The following PFKFB1 variants were observed in gnomAD, a reference collection of about 807,000 sequenced individuals.
PFKFB1 encodes 6-phosphofructo-2-kinase/fructose-2,6-biphosphatase 1.
Under a neutral mutation model 46.4 loss-of-function variants are expected in PFKFB1, and 34 were observed. The ratio of observed to expected loss-of-function variants is 0.73; its 90% CI spans 0.56 to 0.98. The LOEUF (loss-of-function observed/expected upper bound fraction) is 0.98. Among genes scored for constraint, PFKFB1 ranks in the 50% least tolerant of loss-of-function variants. The pLI, the probability that PFKFB1 is intolerant of heterozygous loss-of-function variation, is 0.00. For missense variants in PFKFB1, 393 were observed against 376.3 expected, an observed-to-expected ratio of 1.04 and a Z score of -0.37; for synonymous variants, 119 against 133.8, an observed-to-expected ratio of 0.89 and a Z score of 0.76.
chrX:54,951,954 A>C lies in PFKFB1; in HGVS notation c.797T>G (p.Ile266Ser), dbSNP rs1933989097. ...AGAGTCACCTCCGATGCGGCCTCTG[A>C]TGTTGAGTTCACTCTCGCCATGTCG... ...LCRHGESELNIRGRIGGDSGL... is the reference protein window; with the variant it reads ...LCRHGESELNSRGRIGGDSGL... Residue 266 changes from isoleucine (I) to serine (S), a missense_variant, in exon 8 of 14, where the codon ATC becomes AGC. Coordinates refer to ENST00000375006, the MANE Select transcript of PFKFB1 (RefSeq NM_002625.4). 8.3e-7 allele frequency: 1 copy of C among 1,208,221 alleles called. No homozygotes were observed. The highest frequency in any genetic ancestry group is 1.1e-6 in the Non-Finnish European group (1 of 894,062).
In PFKFB1 at chrX:54,993,928, A is replaced by G. The variant is rs754571347; in HGVS notation, c.80T>C (p.Leu27Pro). ...WIPHSSGSSR[L>P]QRRRGSSIPQ... ...CCACTTACAGCCCCTTCTCCGTTGC[A>G]GCCTGCTGCTGCCGCTGCTGTGTGG... Residue 27 changes from leucine to proline, a missense_variant, in exon 1 of 14, where the codon CTG becomes CCG. Coordinates refer to ENST00000375006, the MANE Select transcript of PFKFB1 (RefSeq NM_002625.4). 3.3e-6 allele frequency: 4 copies of G among 1,206,879 alleles called. No homozygotes were observed.
intron 3 of PFKFB1, 72 bp downstream of exon 3, chrX:54,960,752 A>G (rs1216330205): frequency 3.0e-6 from 2 of 676,908 alleles, no homozygotes; most frequent in Admixed American, 2.4e-5. Context: ...ATTCTGCCCT[A>G]CTCCCCCAAT....
chrX:54,975,315 A>G (rs1462301312), intron 1 of PFKFB1, among the ~76,000 whole-genome samples: 2 of 111,593 alleles, frequency 1.8e-5, no homozygotes, highest in African/African-American at 6.5e-5. Context: ...ACAGAATGAA[A>G]TAATGGCCTT....
chrX:54,949,788 G>A (rs936503474), intron 8 of PFKFB1, among the ~76,000 whole-genome samples: 1 of 112,723 alleles, frequency 8.9e-6, no homozygotes, highest in African/African-American at 3.2e-5. Context: ...GGCACTGAAA[G>A]CGGACTCTAG....
chrX:54,987,436 T>C (rs1418276737), intron 1 of PFKFB1, among the ~76,000 whole-genome samples: 1 of 111,428 alleles, frequency 9.0e-6, no homozygotes, highest in Admixed American at 9.6e-5. Context: ...ACTCATTCTA[T>C]GAGGCCAGTA....
chrX:54,961,728 A>T (rs1934319833), intron 2 of PFKFB1, among the ~76,000 whole-genome samples: 1 of 111,829 alleles, frequency 8.9e-6, no homozygotes, highest in South Asian at 3.8e-4. Flanking sequence ...CAAAGACAAT[A>T]TTAAGCCACG....
chrX:54,980,520 G>A (rs1388629417), intron 1 of PFKFB1, among the ~76,000 whole-genome samples: 1 of 110,794 alleles, frequency 9.0e-6, no homozygotes, highest in Non-Finnish European at 1.9e-5. Context: ...CCTGACTAAA[G>A]TGTGGACCAG....
intron 7 of PFKFB1, among the ~76,000 whole-genome samples, chrX:54,954,866 A>C (rs1385739758): frequency 8.9e-6 from 1 of 112,073 alleles, no homozygotes; most frequent in Non-Finnish European, 1.9e-5. Context: ...GACCTTCTAG[A>C]TCTGTCTTCT....
intron 4 of PFKFB1, 64 bp downstream of exon 4, chrX:54,959,763 C>A (rs1934255672): frequency 4.6e-6 from 3 of 657,437 alleles, no homozygotes; most frequent in African/African-American, 2.2e-5. Context: ...GGTAAATGTT[C>A]AGTACATATT....
chrX:54,958,530 T>C (rs946812233), intron 5 of PFKFB1, among the ~76,000 whole-genome samples, 168 bp from the exon 6 acceptor site: 10 of 111,291 alleles, frequency 9.0e-5, no homozygotes, highest in East Asian at 5.7e-4. Flanking sequence ...ATGAGGCAAA[T>C]TGGCTCTAAA....
intron 1 of PFKFB1, among the ~76,000 whole-genome samples, chrX:54,967,306 A>C (rs909839062): frequency 1.8e-5 from 2 of 112,296 alleles, no homozygotes; most frequent in African/African-American, 6.5e-5. Context: ...AAAATGCTTG[A>C]ATGAACAATA....
At chrX:54,959,269 G>C (rs1934243040) in intron 4 of PFKFB1, among the ~76,000 whole-genome samples, 2 of 109,844 alleles carry the variant, frequency 1.8e-5, no homozygotes, top group Non-Finnish European at 3.8e-5. Context: ...GCTAGAACTG[G>C]TTCTCTCAAT....
At chrX:54,943,823 T>G (rs1933727337) in intron 10 of PFKFB1, among the ~76,000 whole-genome samples, 1 of 110,223 alleles carries the variant, frequency 9.1e-6, no homozygotes, top group South Asian at 3.8e-4. Flanking sequence ...AGACGGAAAA[T>G]GAACTCAGAG....
chrX:54,963,143 GTAA>G, intron 2 of PFKFB1, 111 bp downstream of exon 2: 10 of 662,456 alleles, frequency 1.5e-5, no homozygotes, highest in Non-Finnish European at 2.2e-5. Flanking sequence ...CCTAATGCTG[GTAA>G]TAATAATGAT....
chrX:54,935,794 C>A (rs1319354288), intron 11 of PFKFB1, among the ~76,000 whole-genome samples: 1 of 111,575 alleles, frequency 9.0e-6, no homozygotes, highest in Non-Finnish European at 1.9e-5. Context: ...CTTGCAGTGT[C>A]CTGGGGGTGA....
At chrX:54,972,033 C>G (rs1934681512) in intron 1 of PFKFB1, among the ~76,000 whole-genome samples, 1 of 111,006 alleles carries the variant, frequency 9.0e-6, no homozygotes, top group African/African-American at 3.3e-5. Context: ...GTTTGTAGTT[C>G]TCCTTGAAGA....
intron 1 of PFKFB1, among the ~76,000 whole-genome samples, chrX:54,984,579 T>C (rs1381126609): frequency 8.9e-6 from 1 of 112,176 alleles, no homozygotes; most frequent in Non-Finnish European, 1.9e-5. Context: ...CTTTGATACA[T>C]GTGCCATGCT....
intron 1 of PFKFB1, among the ~76,000 whole-genome samples, chrX:54,979,277 T>C (rs1465989305): frequency 9.0e-6 from 1 of 111,664 alleles, no homozygotes; most frequent in Non-Finnish European, 1.9e-5. Flanking sequence ...ACACTTCAGG[T>C]GGATAAAACT....
intron 1 of PFKFB1, 34 bp from the exon 2 acceptor site, chrX:54,963,416 T>G (rs1326720536): frequency 1.8e-5 from 22 of 1,194,825 alleles, no homozygotes; most frequent in Non-Finnish European, 2.5e-5. Context: ...AAGCTTATCC[T>G]CAGATTCATA....
Sources: allele counts gnomAD v4.1 joint callset (sites outside exome capture counted in the v4.1 genomes callset), GRCh38; gene constraint gnomAD v4.1.1; transcripts MANE v1.5; gene names NCBI Gene and HGNC (gene_info 2026-07-23, HGNC 2026-07-21).